Variants in STAU2 observed in about 807,000 individuals in gnomAD.
STAU2 encodes the protein staufen double-stranded RNA binding protein 2, also known as double-stranded RNA-binding protein Staufen homolog 2.
A neutral mutation model predicts 65.9 loss-of-function variants in STAU2; 20 were observed. The observed-to-expected ratio is 0.30, with a 90% confidence interval of 0.21 to 0.44. The LOEUF (loss-of-function observed/expected upper bound fraction) is 0.44. STAU2 is among the 20% of genes least tolerant of loss of function. The pLI is 1.00. For synonymous variants in STAU2, 232 were observed against 233.9 expected, an observed-to-expected ratio of 0.99 and a Z score of 0.07; for missense variants, 558 against 683.9, an observed-to-expected ratio of 0.82 and a Z score of 2.05.
intron 12 of STAU2, among the ~76,000 whole-genome samples, chr8:73,576,350 C>A (rs1455260018): frequency 2.0e-5 from 3 of 150,730 alleles, no homozygotes; most frequent in Non-Finnish European, 3.0e-5. Flanking sequence ...AAGTGGGGGG[C>A]GGGAGAGGGC....
Position 73,431,137 on chromosome 8 carries a change from G to A in STAU2, c.1531-8435C>T, listed in dbSNP as rs188376685. Among the ~76,000 whole-genome samples the A allele has an allele frequency of 3.9e-5, 6 of 152,302 alleles. No individual in the cohort carries two copies. In the East Asian group the frequency reaches 9.6e-4, roughly 24 times the overall value. On this transcript the variant is annotated intron_variant, in intron 13 of 14. Transcript: ENST00000524300. The stretch of plus-strand genomic sequence containing the variant: ...CAAGCTGTGTAACTTCCCACACGCC[G>A]CAGATTAGAGAATTTCAAAGATACA...
At chr8:73,660,806 T>C (rs1025096144) in intron 6 of STAU2, among the ~76,000 whole-genome samples, 2 of 152,164 alleles carry the variant, frequency 1.3e-5, no homozygotes, top group Non-Finnish European at 2.9e-5. Flanking sequence ...TCAAGTAAAT[T>C]TTAACACGGG....
chr8:73,527,633 T>C (rs1227811827), intron 13 of STAU2: 1 of 1,324,760 alleles, frequency 7.5e-7, no homozygotes, highest in Non-Finnish European at 1.0e-6. Context: ...TCCATTTTGA[T>C]GGCCTTCCAT....
In STAU2 at chr8:73,422,643, T is replaced by C. The variant is rs1286977179; in HGVS notation, c.1590A>G (p.Ala530=). 1 of 1,516,384 alleles carries C rather than the reference T, an allele frequency of 6.6e-7. No homozygotes were observed. Among genetic ancestry groups the C allele is most frequent in the Non-Finnish European group, 8.8e-7 (1 of 1,140,396 alleles). The allele number at this position is 1,516,384 out of a possible 1,614,324, so 93.9% of individuals were successfully genotyped here. A position where few individuals can be genotyped will look rare whatever the true frequency, so the allele number is the denominator to read the frequency against. Residue 530 remains alanine, a synonymous_variant, in exon 14 of 15, where the codon GCA becomes GCG. Transcript: ENST00000524300. ...CAAGAGAACCTTTTTCGATATTCAT[T>C]GCTCCATCGATTGGATCCAGTCCTT... is the stretch of plus-strand genomic sequence containing the variant. ...SEQGLDPIDG[A]MNIEKGSLEK... is the part of the protein sequence containing the mutation.
At chr8:73,425,057 G>A (rs1411068324) in intron 13 of STAU2, among the ~76,000 whole-genome samples, 2 of 152,172 alleles carry the variant, frequency 1.3e-5, no homozygotes, top group Non-Finnish European at 2.9e-5. Context: ...ATGGGAGGTA[G>A]GCGCTAACTT....
At chr8:73,622,138 T>A (rs1563464035) in intron 6 of STAU2, among the ~76,000 whole-genome samples, 919 of 62,798 alleles carry the variant, frequency 0.015, 48 homozygotes, top group African/African-American at 0.032. Context: ...TTTTTTTTTT[T>A]TTTTTTTGAG....
At chr8:73,448,435 G>A (rs1239568763) in intron 13 of STAU2, among the ~76,000 whole-genome samples, 12 of 152,028 alleles carry the variant, frequency 7.9e-5, no homozygotes, top group Admixed American at 5.9e-4. Context: ...GGCGCACGCC[G>A]CCACGCCCGG....
At chr8:73,567,584 AT>A (rs1337844861) in intron 12 of STAU2, among the ~76,000 whole-genome samples, 1 of 150,534 alleles carries the variant, frequency 6.6e-6, no homozygotes, top group African/African-American at 2.5e-5. Context: ...AGTCTCACTC[AT>A]TCTGTGGTCC....
chr8:73,687,415 ATTT>A (rs1818994910), intron 5 of STAU2, among the ~76,000 whole-genome samples: 1 of 117,828 alleles, frequency 8.5e-6, no homozygotes, highest in Non-Finnish European at 1.7e-5. Context: ...ATTTAAATTA[ATTT>A]AAATATAAAT....
chr8:73,635,416 T>A (rs1441770334), intron 6 of STAU2, among the ~76,000 whole-genome samples: 1 of 152,180 alleles, frequency 6.6e-6, no homozygotes, highest in Non-Finnish European at 1.5e-5. Flanking sequence ...GGCAAGCCCA[T>A]CTATTCCATG....
At chr8:73,650,554 T>C (rs1339650089) in intron 6 of STAU2, among the ~76,000 whole-genome samples, 1 of 152,172 alleles carries the variant, frequency 6.6e-6, no homozygotes, top group East Asian at 1.9e-4. Flanking sequence ...AAGTTCTCTT[T>C]AATATTCCTG....
chr8:73,516,540 G>A (rs1406937887), intron 13 of STAU2, among the ~76,000 whole-genome samples: 1 of 152,038 alleles, frequency 6.6e-6, no homozygotes, highest in Non-Finnish European at 1.5e-5. Context: ...TGCCAACTTA[G>A]AAACAAAGAG....
chr8:73,612,726 C>G (rs1373672102), intron 9 of STAU2, among the ~76,000 whole-genome samples: 1 of 152,048 alleles, frequency 6.6e-6, no homozygotes, highest in African/African-American at 2.4e-5. Context: ...TGTAAAAATA[C>G]CTAAATTGTG....
intron 6 of STAU2, among the ~76,000 whole-genome samples, chr8:73,662,661 G>A (rs1159013290): frequency 6.6e-6 from 1 of 150,952 alleles, no homozygotes; most frequent in Non-Finnish European, 1.5e-5. Flanking sequence ...CCTGTTGCCA[G>A]GCTGGAGTGC....
At chr8:73,464,125 C>A (rs1819521123) in intron 13 of STAU2, among the ~76,000 whole-genome samples, 2 of 152,056 alleles carry the variant, frequency 1.3e-5, no homozygotes, top group South Asian at 4.2e-4. Context: ...CGGGATATTG[C>A]CTGAAGTAAA....
chr8:73,489,308 C>G (rs550222134), intron 13 of STAU2, among the ~76,000 whole-genome samples: 2 of 151,872 alleles, frequency 1.3e-5, no homozygotes, highest in Non-Finnish European at 2.9e-5. Context: ...CTTATTTTCC[C>G]TCATTTAAAA....
intron 13 of STAU2, among the ~76,000 whole-genome samples, chr8:73,502,218 C>T (rs1352315070): frequency 6.6e-6 from 1 of 151,754 alleles, no homozygotes; most frequent in African/African-American, 2.4e-5. Flanking sequence ...TATAATGTTA[C>T]CAATAGAGCA....
intron 13 of STAU2, among the ~76,000 whole-genome samples, chr8:73,498,173 G>A (rs1341010225): frequency 6.6e-6 from 1 of 151,808 alleles, no homozygotes; most frequent in African/African-American, 2.4e-5. Context: ...GGGGAAAAAG[G>A]TAAACATTAT....
intron 13 of STAU2, among the ~76,000 whole-genome samples, chr8:73,545,483 C>G (rs189342381): frequency 2.6e-5 from 4 of 152,174 alleles, no homozygotes; most frequent in African/African-American, 9.6e-5. Context: ...TTTCTAGAAC[C>G]TAAAATCTGT....
Sources: gnomAD v4.1 joint callset for allele counts (sites outside exome capture counted in the v4.1 genomes callset) on GRCh38, gnomAD v4.1.1 for gene constraint, MANE v1.5 for transcripts, NCBI Gene and HGNC (gene_info 2026-07-23, HGNC 2026-07-21) for gene names.